The following ANKRD30BL variants were observed in gnomAD, a reference collection of about 807,000 sequenced individuals.
The protein encoded by ANKRD30BL is putative ankyrin repeat domain-containing protein 30B-like.
ANKRD30BL carries 20 observed loss-of-function variants against 18.4 expected under a neutral mutation model. The ratio of observed to expected loss-of-function variants is 1.09; its 90% CI spans 0.77 to 1.58. ANKRD30BL has a LOEUF of 1.58. Among genes scored for constraint, ANKRD30BL ranks in the 40% most tolerant of loss-of-function variants. The probability of loss-of-function intolerance (pLI) is 0.00; values close to 1 mark genes in which losing one functional copy is unlikely to be tolerated. For synonymous variants in ANKRD30BL, 72 were observed against 100.9 expected, an observed-to-expected ratio of 0.71 and a Z score of 1.72; for missense variants, 224 against 268.6, an observed-to-expected ratio of 0.83 and a Z score of 1.16.
At chr2:132,181,592 G>C (rs1688463143) in intron 1 of ANKRD30BL, among the ~76,000 whole-genome samples, 2 of 152,134 alleles carry the variant, frequency 1.3e-5, no homozygotes, top group African/African-American at 4.8e-5. Context: ...AAGTCAAAAG[G>C]AAAATGTCTT....
intron 1 of ANKRD30BL, among the ~76,000 whole-genome samples, chr2:132,245,841 T>A (rs1680484461): frequency 6.6e-6 from 1 of 151,868 alleles, no homozygotes; most frequent in African/African-American, 2.4e-5. Context: ...GATGTTTGCA[T>A]TCATCTCCTA....
At chr2:132,153,350 C>T (rs528826661) in intron 4 of ANKRD30BL, among the ~76,000 whole-genome samples, 44 of 152,218 alleles carry the variant, frequency 2.9e-4, no homozygotes, top group Admixed American at 5.9e-4. Context: ...ATATTTATCC[C>T]ATGCATAGGG....
rs747501291 is a variant in ANKRD30BL at position 132,153,088 on chromosome 2, C to CT, written c.614+1573_614+1574insA. ...CATTACCAGACTGCAGGAGCAGTTTCAATGGCAACGATGCAGCAATAGAAT... is the reference window on the plus strand; with the variant it reads ...CATTACCAGACTGCAGGAGCAGTTTCTAATGGCAACGATGCAGCAATAGAAT... On this transcript the variant is annotated intron_variant, in intron 4 of 5. Coordinates refer to ENST00000409867, the MANE Select transcript of ANKRD30BL (RefSeq NM_001358416.1). Among the ~76,000 whole-genome samples the CT allele has an allele frequency of 2.2e-4, 34 of 152,268 alleles. No homozygotes were observed. In the Middle Eastern group the frequency reaches 0.014, roughly 61 times the overall value.
At chr2:132,162,140 T>C (rs1688091534), upstream of ANKRD30BL, among the ~76,000 whole-genome samples, 1 of 151,992 alleles carries the variant, frequency 6.6e-6, no homozygotes, top group South Asian at 2.1e-4. Flanking sequence ...GAGCTGCCCC[T>C]GTCCCCTCCT....
chr2:132,221,044 C>T (rs1282188003), intron 1 of ANKRD30BL, among the ~76,000 whole-genome samples: 3 of 150,768 alleles, frequency 2.0e-5, no homozygotes, highest in African/African-American at 7.4e-5. Flanking sequence ...AGCGCCTCTG[C>T]CCGGCCGCCC....
chr2:132,197,531 C>T (rs1298093413), intron 1 of ANKRD30BL, among the ~76,000 whole-genome samples: 1 of 151,504 alleles, frequency 6.6e-6, no homozygotes, highest in East Asian at 1.9e-4. Context: ...TATTTACTTA[C>T]TGACATGAAT....
upstream of ANKRD30BL, among the ~76,000 whole-genome samples, chr2:132,166,410 C>A (rs1029935966): frequency 1.5e-4 from 23 of 150,536 alleles, no homozygotes; most frequent in African/African-American, 4.6e-4. Context: ...ACCACTAAAG[C>A]CATTTGGGCC....
intron 1 of ANKRD30BL, among the ~76,000 whole-genome samples, chr2:132,242,437 T>C (rs79896395): frequency 6.6e-6 from 1 of 151,692 alleles, no homozygotes; most frequent in Non-Finnish European, 1.5e-5. Flanking sequence ...AGTCACAGAG[T>C]TGAACATTCC....
chr2:132,158,480 TG>T (rs1687971165), intron 1 of ANKRD30BL, among the ~76,000 whole-genome samples: 1 of 152,008 alleles, frequency 6.6e-6, no homozygotes, highest in South Asian at 2.1e-4. Context: ...GAAGTGTTTT[TG>T]TTTTAAAGAT....
At chr2:132,220,137 T>C (rs144202090) in intron 1 of ANKRD30BL, among the ~76,000 whole-genome samples, 1 of 152,054 alleles carries the variant, frequency 6.6e-6, no homozygotes, top group Non-Finnish European at 1.5e-5. Flanking sequence ...ATTTTGACCA[T>C]TTAGTGGCCT....
rs551390340 is a variant in ANKRD30BL at position 132,238,906 on chromosome 2, T to C, written n.441+18623A>G. 2.2e-3 allele frequency among the ~76,000 whole-genome samples: 338 copies of C among 152,194 alleles called. 1 individual carries two copies. The highest frequency in any genetic ancestry group is 7.3e-3 in the African/African-American group (303 of 41,576). ...TTTGAAACACTCTTTTTGTAGATTC[T>C]GGAAGTGGACATTTGGAGTGCCTTG... On this transcript the variant is annotated intron_variant and non_coding_transcript_variant, in intron 1 of 4. Coordinates refer to the ANKRD30BL transcript ENST00000470729.
chr2:132,244,663 T>C (rs1362836846), intron 1 of ANKRD30BL, among the ~76,000 whole-genome samples: 1 of 152,298 alleles, frequency 6.6e-6, no homozygotes, highest in African/African-American at 2.4e-5. Context: ...GAATTGAACT[T>C]CTCTTTTGAT....
At chr2:132,154,580 T>C (rs1200918361) in intron 4 of ANKRD30BL, 82 bp downstream of exon 4, 4 of 527,350 alleles carry the variant, frequency 7.6e-6, no homozygotes, top group Admixed American at 3.7e-5. Context: ...TAAGTAAATG[T>C]TACTAATTTA....
chr2:132,164,833 A>C (rs1005136312), upstream of ANKRD30BL, among the ~76,000 whole-genome samples: 3 of 152,104 alleles, frequency 2.0e-5, no homozygotes, highest in African/African-American at 7.2e-5. Flanking sequence ...GCACTTTGGG[A>C]GGCCAAGGCG....
chr2:132,175,297 G>A (rs147388517), intron 1 of ANKRD30BL, among the ~76,000 whole-genome samples: 4,620 of 151,978 alleles, frequency 0.03, 109 homozygotes, highest in African/African-American at 0.061. Flanking sequence ...AGAAGAATCT[G>A]TGTCATAATT....
chr2:132,248,141 C>A (rs1680551121), intron 1 of ANKRD30BL, among the ~76,000 whole-genome samples: 1 of 152,088 alleles, frequency 6.6e-6, no homozygotes, highest in Admixed American at 6.6e-5. Context: ...TCAGAAATAT[C>A]CCGTTGCAGA....
At chr2:132,187,540 T>C (rs907415158) in intron 1 of ANKRD30BL, among the ~76,000 whole-genome samples, 7 of 151,938 alleles carry the variant, frequency 4.6e-5, no homozygotes, top group African/African-American at 1.7e-4. Context: ...GGTCTCGATC[T>C]CTTAACCTCG....
At chr2:132,202,026 G>A (rs1192320048) in intron 1 of ANKRD30BL, among the ~76,000 whole-genome samples, 1 of 152,128 alleles carries the variant, frequency 6.6e-6, no homozygotes. Context: ...ATCATTCTCA[G>A]TAAACTATCG....
chr2:132,189,405 G>A (rs1678799920), intron 1 of ANKRD30BL, among the ~76,000 whole-genome samples: 1 of 151,910 alleles, frequency 6.6e-6, no homozygotes, highest in Non-Finnish European at 1.5e-5. Flanking sequence ...ATATCTCCTA[G>A]AATGTAGCTT....
Sources: gnomAD v4.1 joint callset for allele counts (sites outside exome capture counted in the v4.1 genomes callset) on GRCh38, gnomAD v4.1.1 for gene constraint, MANE v1.5 for transcripts, NCBI Gene and HGNC (gene_info 2026-07-23, HGNC 2026-07-21) for gene names.